The following NCAPD2 variants were observed in gnomAD, a reference collection of about 807,000 sequenced individuals.
The protein encoded by NCAPD2 is condensin complex subunit 1.
In NCAPD2, 100 loss-of-function variants were observed where a neutral mutation model predicts 164.5. That is an observed-to-expected ratio of 0.61 (90% CI 0.52 to 0.72). The LOEUF is 0.72. Ranked by LOEUF, NCAPD2 falls within the 30% of genes least tolerant of loss-of-function variation. The pLI, the probability that NCAPD2 is intolerant of heterozygous loss-of-function variation, is 0.00. For missense variants in NCAPD2, 1,560 were observed against 1,749.2 expected (o/e 0.89, Z 1.93); for synonymous variants, 585 against 642.6 (o/e 0.91, Z 1.36).
chr12:6,523,667 G>C (rs1050412179), intron 17 of NCAPD2, among the ~76,000 whole-genome samples: 8 of 152,322 alleles, frequency 5.3e-5, no homozygotes, highest in African/African-American at 1.9e-4. Context: ...AGAGTGCTGG[G>C]ATTACAGGCG....
rs564013080 is a variant in NCAPD2, at chr12:6,505,942, CTG to C, written c.128-3771_128-3770del. Among the ~76,000 whole-genome samples, 31 of 151,610 alleles carry C rather than the reference CTG, an allele frequency of 2.0e-4. 1 individual carries two copies. Among genetic ancestry groups the C allele is most frequent in the Admixed American group, 1.7e-3 (26 of 15,228 alleles). On this transcript the variant is annotated intron_variant, in intron 2 of 31. Coordinates refer to ENST00000315579, the MANE Select transcript of NCAPD2 (RefSeq NM_014865.4). ...GGCTGTGAATGATGTCATGTACTGTCTGTGTTTGTGTGTGAGGTTTTTTGGTG... is the reference window on the plus strand; with the variant it reads ...GGCTGTGAATGATGTCATGTACTGTCTGTTTGTGTGTGAGGTTTTTTGGTG...
rs1592180497 is a variant in NCAPD2 at position 6,531,726 on chromosome 12, A to G, written c.*314A>G. Reference sequence around the variant, plus strand: ...AGGCTGAGGCAGGAGAATCGCCTGAACCCAGAGGCGGAGGTTGTAGTGAGC... The same window carrying G: ...AGGCTGAGGCAGGAGAATCGCCTGAGCCCAGAGGCGGAGGTTGTAGTGAGC... On this transcript the variant is annotated 3_prime_UTR_variant, in exon 32 of 32. Transcript: ENST00000315579. This position sits in a 1 kb window ranked among gnomAD's most constrained non-coding sequence, Gnocchi z 4.1. 1 of 363,300 alleles carries G rather than the reference A, an allele frequency of 2.8e-6. No individual in the cohort carries two copies. The highest frequency in any genetic ancestry group is 5.2e-6 in the Non-Finnish European group (1 of 193,450). The allele number at this position is 363,300 out of a possible 1,614,324, so 22.5% of individuals were successfully genotyped here.
In NCAPD2 at chr12:6,514,479, T is replaced by C. The variant is rs956412691; in HGVS notation, c.731T>C (p.Ile244Thr). 2 of 1,614,116 alleles carry C rather than the reference T, an allele frequency of 1.2e-6. No homozygotes were observed. The highest frequency in any genetic ancestry group is 2.7e-5 in the African/African-American group (2 of 74,932). Residue 244 changes from isoleucine to threonine, a missense_variant, in exon 8 of 32, where the codon ATC becomes ACC. Physicochemically the swap from Ile to Thr is moderately conservative, Grantham distance 89. Coordinates refer to ENST00000315579, the MANE Select transcript of NCAPD2 (RefSeq NM_014865.4). ...GCTTCCACAGGTGCTACAGTGAAGA[T>C]CATCCAGATGCTGCAGCACTTTGAA... is the stretch of plus-strand genomic sequence containing the variant. Reference protein sequence around the residue: ...YNHMLSATVKIIQMLQHFEHL... With the variant: ...YNHMLSATVKTIQMLQHFEHL...
At chr12:6,496,853 CT>C (rs978852281) in intron 2 of NCAPD2, among the ~76,000 whole-genome samples, 1 of 152,228 alleles carries the variant, frequency 6.6e-6, no homozygotes, top group Admixed American at 6.5e-5. Flanking sequence ...CTCGGCCAGA[CT>C]TTTTTGTTAA....
Position 6,528,144 on chromosome 12 carries a change from T to A in NCAPD2, c.3144-29T>A. The stretch of plus-strand genomic sequence containing the variant: ...TCAAGGAAGATGGGGATGAAATGGC[T>A]TCCCTAATGATCCTCTTCTTGCTCT... On this transcript the variant is annotated intron_variant, in intron 24 of 31. Transcript: ENST00000315579. The surrounding 1 kb of genome is among the most constrained non-coding windows in gnomAD (Gnocchi z 5.1). The A allele has an allele frequency of 6.2e-7, 1 of 1,614,210 alleles. No homozygotes were observed. The highest frequency in any genetic ancestry group is 8.5e-7 in the Non-Finnish European group (1 of 1,180,020).
intron 17 of NCAPD2, 143 bp downstream of exon 17, chr12:6,523,489 C>A (rs955018192): frequency 6.2e-6 from 4 of 647,190 alleles, no homozygotes; most frequent in Non-Finnish European, 1.0e-5. Context: ...CCTCCGCCTC[C>A]CAGGTTCAAG....
chr12:6,504,210 T>G (rs76540063), intron 2 of NCAPD2, among the ~76,000 whole-genome samples: 19 of 22,120 alleles, frequency 8.6e-4, no homozygotes, highest in Non-Finnish European at 1.1e-3. Context: ...TATATATATA[T>G]ATATATAGAT....
intron 13 of NCAPD2, among the ~76,000 whole-genome samples, chr12:6,518,719 C>T (rs1028539937): frequency 6.6e-6 from 1 of 150,964 alleles, no homozygotes; most frequent in African/African-American, 2.4e-5. Flanking sequence ...CAGGGTTTCA[C>T]CATATTGGCC....
intron 13 of NCAPD2, among the ~76,000 whole-genome samples, 194 bp from the exon 14 acceptor site, chr12:6,520,792 G>C (rs918244515): frequency 1.3e-5 from 2 of 152,192 alleles, no homozygotes; most frequent in African/African-American, 2.4e-5. Flanking sequence ...CAGATGAGCA[G>C]TCAGGGGAAA....
chr12:6,515,682 A>G (rs1946192094), intron 9 of NCAPD2, among the ~76,000 whole-genome samples: 1 of 152,246 alleles, frequency 6.6e-6, no homozygotes, highest in African/African-American at 2.4e-5. Flanking sequence ...GGACAAAGAC[A>G]GTCCACTTGT....
chr12:6,504,198 T>TATAG lies in NCAPD2; in HGVS notation c.128-5516_128-5515insGATA, dbSNP rs1565539558. ...ATATATATACATATATATATATATA[T>TATAG]ATATATATATATATATATAGATATA... On this transcript the variant is annotated intron_variant, in intron 2 of 31. Transcript: ENST00000315579. 7.3e-5 allele frequency among the ~76,000 whole-genome samples: 2 copies of TATAG among 27,244 alleles called. 1 individual carries two copies. Among genetic ancestry groups the TATAG allele is most frequent in the Non-Finnish European group, 1.4e-4 (2 of 14,348 alleles). The allele number at this position is 27,244 out of a possible 152,430, so 17.9% of individuals were successfully genotyped here. A position where few individuals can be genotyped will look rare whatever the true frequency, so the allele number is the denominator to read the frequency against.
chr12:6,518,507 T>TTTG lies in NCAPD2; in HGVS notation c.1589+550_1589+551insGTT, dbSNP rs1565544106. On this transcript the variant is annotated intron_variant, in intron 13 of 31. Coordinates refer to ENST00000315579, the MANE Select transcript of NCAPD2 (RefSeq NM_014865.4). ...AAGCCCTTACAGCCGTCAACAAGTT[T>TTTG]TTTTTTTTTTTTTTTTTTTTTTTTT... Among the ~76,000 whole-genome samples, 8 of 88,310 alleles carry TTTG rather than the reference T, an allele frequency of 9.1e-5. 2 individuals are homozygous for TTTG. Among genetic ancestry groups the TTTG allele is most frequent in the African/African-American group, 4.5e-4 (8 of 17,872 alleles). The allele number at this position is 88,310 out of a possible 152,430, so 57.9% of individuals were successfully genotyped here. A position where few individuals can be genotyped will look rare whatever the true frequency, so the allele number is the denominator to read the frequency against.
chr12:6,517,837 C>T lies in NCAPD2; in HGVS notation c.1467C>T (p.Thr489=). 1 of 1,614,116 alleles carries T rather than the reference C, an allele frequency of 6.2e-7. No individual in the cohort carries two copies. The highest frequency in any genetic ancestry group is 1.1e-5 in the South Asian group (1 of 91,078). ...CCATGCTGCCAGAGTTGAAGTCTAC[C>T]CTGCAGCAGCTTCTACAGCTTCCCC... ...WEAMLPELKS[T]LQQLLQLPQG... is the part of the protein sequence containing the mutation. The change falls in exon 13 of 32, where the codon ACC becomes ACT. Residue 489 remains threonine, a synonymous_variant. Coordinates refer to ENST00000315579, the MANE Select transcript of NCAPD2 (RefSeq NM_014865.4).
intron 9 of NCAPD2, among the ~76,000 whole-genome samples, chr12:6,515,887 T>C (rs140324452): frequency 3.0e-4 from 45 of 152,208 alleles, no homozygotes; most frequent in African/African-American, 1.1e-3. Flanking sequence ...GGGATATTTA[T>C]TAGTAAGGAT....
In NCAPD2 at chr12:6,521,583, G is replaced by A. The variant is rs1037763035; in HGVS notation, c.1715-215G>A. ...CGCACCTGTAGTCCCAACTGCTCAGGAGCTGAAGTGAGAGAATCACCTTAG... is the reference window on the plus strand; with the variant it reads ...CGCACCTGTAGTCCCAACTGCTCAGAAGCTGAAGTGAGAGAATCACCTTAG... On this transcript the variant is annotated intron_variant, in intron 14 of 31. Coordinates refer to ENST00000315579, the MANE Select transcript of NCAPD2 (RefSeq NM_014865.4). 1.6e-4 allele frequency among the ~76,000 whole-genome samples: 9 copies of A among 55,578 alleles called. No homozygotes were observed. The African/African-American group carries it at 1.9e-3, about 11-fold the overall frequency. The allele number at this position is 55,578 out of a possible 152,430, so 36.5% of individuals were successfully genotyped here.
chr12:6,530,618 CCATGGCCTT>C, intron 29 of NCAPD2, 64 bp from the exon 30 acceptor site: 3 of 1,591,608 alleles, frequency 1.9e-6, no homozygotes, highest in Non-Finnish European at 2.6e-6. Flanking sequence ...TCCATGTCTT[CCATGGCCTT>C]GTTTCTTTTT....
In NCAPD2 at chr12:6,528,227, T is replaced by G; in HGVS notation, c.3198T>G (p.Ser1066=). Residue 1066 remains serine, a synonymous_variant, in exon 25 of 32, where the codon TCT becomes TCG. Coordinates refer to ENST00000315579, the MANE Select transcript of NCAPD2 (RefSeq NM_014865.4). The surrounding 1 kb of genome is among the most constrained non-coding windows in gnomAD (Gnocchi z 5.1). ...LRLLFTMLEK[S]PLPIVRSNLM... is the part of the protein sequence containing the mutation. ...TTCTGTTCACCATGCTGGAAAAGTC[T>G]CCACTTCCCATTGTCCGGTCTAACC... The G allele has an allele frequency of 2.5e-6, 4 of 1,614,160 alleles. No individual in the cohort carries two copies. Among genetic ancestry groups the G allele is most frequent in the Non-Finnish European group, 3.4e-6 (4 of 1,180,046 alleles).
chr12:6,529,187 C>T (rs1946348125), intron 27 of NCAPD2, 148 bp downstream of exon 27: 2 of 681,542 alleles, frequency 2.9e-6, no homozygotes, highest in Non-Finnish European at 4.9e-6. Context: ...ATTTCCTCTT[C>T]TTTTGAGGCT....
At chr12:6,500,093 A>C (rs921222691) in intron 2 of NCAPD2, among the ~76,000 whole-genome samples, 1 of 152,132 alleles carries the variant, frequency 6.6e-6, no homozygotes, top group Non-Finnish European at 1.5e-5. Flanking sequence ...ACTGCACTGC[A>C]ACCTGGCCAC....
Sources: gnomAD v4.1 joint callset for allele counts (sites outside exome capture counted in the v4.1 genomes callset) on GRCh38, gnomAD v4.1.1 for gene constraint, Gnocchi (gnomAD v3.1) non-coding constraint, MANE v1.5 for transcripts, NCBI Gene and HGNC (gene_info 2026-07-23, HGNC 2026-07-21) for gene names.